Variants in ZBP1 observed in about 807,000 individuals in gnomAD.
ZBP1 encodes the protein Z-DNA-binding protein 1.
A neutral mutation model predicts 41.1 loss-of-function variants in ZBP1; 42 were observed. The ratio of observed to expected loss-of-function variants is 1.02; its 90% CI spans 0.80 to 1.32. ZBP1 has a LOEUF of 1.32. ZBP1 is among the 40% of genes most tolerant of loss of function. The pLI is 0.00. For missense variants in ZBP1, 562 were observed against 549.7 expected (o/e 1.02, Z -0.22); for synonymous variants, 214 against 205.2 (o/e 1.04, Z -0.37).
In ZBP1 at chr20:57,610,279, T is replaced by A. The variant is rs1426639495; in HGVS notation, c.963A>T (p.Arg321Ser). Residue 321 changes from arginine (R) to serine (S), a missense_variant, in exon 7 of 8, where the codon AGA becomes AGT. Transcript: ENST00000371173. This position sits in a 1 kb window ranked among gnomAD's most constrained non-coding sequence, Gnocchi z 5.5. Reference protein sequence around the residue: ...GTHPEGEAAQRIHMKSCFLED... With the variant: ...GTHPEGEAAQSIHMKSCFLED... ...CGAGAAAGCACGATTTCATGTGGAT[T>A]CTCTGGGCGGCTTCCCCCTCAGGGT... is the stretch of plus-strand genomic sequence containing the variant. 1 of 1,614,100 alleles carries A rather than the reference T, an allele frequency of 6.2e-7. No individual in the cohort carries two copies. The highest frequency in any genetic ancestry group is 1.3e-5 in the African/African-American group (1 of 75,018).
intron 5 of ZBP1, chr20:57,612,921 A>T (rs189404932): frequency 1.7e-5 from 22 of 1,333,184 alleles, no homozygotes; most frequent in Admixed American, 1.1e-4. Flanking sequence ...GAAAAATAAA[A>T]ATTAAATTAA....
At chr20:57,608,226 A>G (rs747884653) in intron 7 of ZBP1, among the ~76,000 whole-genome samples, 4 of 151,832 alleles carry the variant, frequency 2.6e-5, no homozygotes, top group African/African-American at 7.3e-5. Context: ...GGTTTACGCC[A>G]TTCTCCTGCC....
intron 5 of ZBP1, chr20:57,612,902 A>C (rs2070711229): frequency 7.5e-7 from 1 of 1,339,150 alleles, no homozygotes; most frequent in African/African-American, 1.5e-5. Context: ...TAATTTTAAA[A>C]TTTTATTAGA....
Position 57,604,025 on chromosome 20 carries a change from G to A in ZBP1, c.*548C>T, listed in dbSNP as rs894358542. 8 of 198,290 alleles carry A rather than the reference G, an allele frequency of 4.0e-5. No individual in the cohort carries two copies. The highest frequency in any genetic ancestry group is 8.3e-5 in the Non-Finnish European group (8 of 96,392). The allele number at this position is 198,290 out of a possible 1,614,324, so 12.3% of individuals were successfully genotyped here. On this transcript the variant is annotated 3_prime_UTR_variant, in exon 8 of 8. Coordinates refer to ENST00000371173, the MANE Select transcript of ZBP1 (RefSeq NM_030776.3). ...TGGGACTCCAGGTGCCCGCCACAAC[G>A]CCCGGCTAATTTTTTGTATTTTTTT...
Position 57,604,361 on chromosome 20 carries a change from G to A in ZBP1, c.*212C>T, listed in dbSNP as rs564499257. Reference sequence around the variant, plus strand: ...TCTTGGCACACCAAAGGTTCCCCAAGGCAACTCCCTGTCATCTACTCCTGG... The same window carrying A: ...TCTTGGCACACCAAAGGTTCCCCAAAGCAACTCCCTGTCATCTACTCCTGG... On this transcript the variant is annotated 3_prime_UTR_variant, in exon 8 of 8. Coordinates refer to ENST00000371173, the MANE Select transcript of ZBP1 (RefSeq NM_030776.3). 3 of 698,278 alleles carry A rather than the reference G, an allele frequency of 4.3e-6. No individual in the cohort carries two copies. The highest frequency in any genetic ancestry group is 5.7e-5 in the East Asian group (2 of 35,104). 43.3% of individuals were successfully genotyped at this position (698,278 alleles called of 1,614,324 possible). A position where few individuals can be genotyped will look rare whatever the true frequency, so the allele number is the denominator to read the frequency against.
chr20:57,610,775 C>T lies in ZBP1; in HGVS notation c.875-408G>A, dbSNP rs1315941926. The T allele has an allele frequency of 3.6e-6, 1 of 280,772 alleles. No individual in the cohort carries two copies. Among genetic ancestry groups the T allele is most frequent in the Non-Finnish European group, 6.9e-6 (1 of 144,568 alleles). 17.4% of individuals were successfully genotyped at this position (280,772 alleles called of 1,614,324 possible). A position where few individuals can be genotyped will look rare whatever the true frequency, so the allele number is the denominator to read the frequency against. On this transcript the variant is annotated intron_variant, in intron 6 of 7. Transcript: ENST00000371173. The surrounding 1 kb of genome is among the most constrained non-coding windows in gnomAD (Gnocchi z 5.5). ...CCTGCCATCTGGCTCTGCCCTTTCC[C>T]ACCCAAACTTCTGAAGAATCATCCA...
Position 57,604,315 on chromosome 20 carries a change from C to T in ZBP1, c.*258G>A, listed in dbSNP as rs2146549600. 2 of 633,354 alleles carry T rather than the reference C, an allele frequency of 3.2e-6. No individual in the cohort carries two copies. The highest frequency in any genetic ancestry group is 5.9e-6 in the Non-Finnish European group (2 of 341,250). The allele number at this position is 633,354 out of a possible 1,614,324, so 39.2% of individuals were successfully genotyped here. A position where few individuals can be genotyped will look rare whatever the true frequency, so the allele number is the denominator to read the frequency against. On this transcript the variant is annotated 3_prime_UTR_variant, in exon 8 of 8. Transcript: ENST00000371173. ...CCCCTGGGCCTGGGGGACCGAGCCC[C>T]ACTCCCATCTACCCACCTCCTCTTG...
chr20:57,607,118 G>C, intron 7 of ZBP1: 1 of 1,304,294 alleles, frequency 7.7e-7, no homozygotes, highest in Non-Finnish European at 1.0e-6. Context: ...TGATTCCTCA[G>C]ATGGATCTGG....
rs928747268 is a variant in ZBP1 at position 57,613,910 on chromosome 20, T to C, written c.503-580A>G. On this transcript the variant is annotated intron_variant, in intron 4 of 7. Transcript: ENST00000371173. This position sits in a 1 kb window ranked among gnomAD's most constrained non-coding sequence, Gnocchi z 4.5. ...TTGAGGCAGGCACCTGCCCAGACTGTGCGGGGCCCATCACCACCCTCCAGG... is the reference window on the plus strand; with the variant it reads ...TTGAGGCAGGCACCTGCCCAGACTGCGCGGGGCCCATCACCACCCTCCAGG... Among the ~76,000 whole-genome samples the C allele has an allele frequency of 6.6e-6, 1 of 151,732 alleles. No individual in the cohort carries two copies. Among genetic ancestry groups the C allele is most frequent in the African/African-American group, 2.4e-5 (1 of 41,444 alleles).
At position 57,604,265 on chromosome 20, in the gene ZBP1, G is replaced by C; in HGVS notation, c.*308C>G. On this transcript the variant is annotated 3_prime_UTR_variant, in exon 8 of 8. Transcript: ENST00000371173. ...GAAGGTAACTCCAGGCAGATGCCCC[G>C]AGCCCAGGAAAGAGTGGAGAGAGTC... 5.9e-6 allele frequency: 3 copies of C among 508,088 alleles called. No individual in the cohort carries two copies. The highest frequency in any genetic ancestry group is 1.1e-5 in the Non-Finnish European group (3 of 268,078). 31.5% of individuals were successfully genotyped at this position (508,088 alleles called of 1,614,324 possible). A position where few individuals can be genotyped will look rare whatever the true frequency, so the allele number is the denominator to read the frequency against.
chr20:57,616,381 G>A lies in ZBP1; in HGVS notation c.122C>T (p.Pro41Leu). 1 of 1,614,138 alleles carries A rather than the reference G, an allele frequency of 6.2e-7. No homozygotes were observed. The highest frequency in any genetic ancestry group is 8.5e-7 in the Non-Finnish European group (1 of 1,180,024). ...LAQLVKECQA[P>L]KRELNQVLYR... ...GAGGACTTGGTTGAGCTCCCTCTTG[G>A]GTGCTTGGCATTCCTTCACCAGCTG... The change falls in exon 2 of 8, where the codon CCC (proline) becomes CTC (leucine). Residue 41 changes from proline (P) to leucine (L), a missense_variant. Coordinates refer to ENST00000371173, the MANE Select transcript of ZBP1 (RefSeq NM_030776.3).
intron 1 of ZBP1, among the ~76,000 whole-genome samples, chr20:57,618,925 G>A (rs549344442): frequency 1.7e-3 from 253 of 152,242 alleles, no homozygotes; most frequent in Middle Eastern, 0.01. Flanking sequence ...CCACTGCCTC[G>A]GCTCCACACA....
chr20:57,607,144 A>G, intron 7 of ZBP1: 1 of 1,304,276 alleles, frequency 7.7e-7, no homozygotes, highest in Non-Finnish European at 1.0e-6. Flanking sequence ...GTAAGTTGAA[A>G]ATCTTCTGGA....
intron 7 of ZBP1, among the ~76,000 whole-genome samples, chr20:57,607,647 G>T (rs892812722): frequency 6.6e-6 from 1 of 152,144 alleles, no homozygotes; most frequent in Non-Finnish European, 1.5e-5. Flanking sequence ...AGAGTTCATT[G>T]CTGCAGCGAA....
At chr20:57,609,446 C>A (rs1221796630) in intron 7 of ZBP1, among the ~76,000 whole-genome samples, 1 of 152,104 alleles carries the variant, frequency 6.6e-6, no homozygotes, top group African/African-American at 2.4e-5. Context: ...TCCCAGACCC[C>A]CCGTGGCTAA....
intron 2 of ZBP1, 135 bp downstream of exon 2, chr20:57,616,109 C>G (rs2070816845): frequency 1.3e-6 from 1 of 745,960 alleles, no homozygotes; most frequent in African/African-American, 3.1e-5. Flanking sequence ...AAAAAGAAAC[C>G]AAGGCACAGA....
chr20:57,604,882 C>G (rs1199427930), intron 7 of ZBP1, 113 bp from the exon 8 acceptor site: 7 of 1,049,538 alleles, frequency 6.7e-6, no homozygotes, highest in African/African-American at 3.2e-5. Context: ...TTGTTACTGT[C>G]TTTAGATTTG....
chr20:57,604,293 C>G lies in ZBP1; in HGVS notation c.*280G>C, dbSNP rs567321818. The stretch of plus-strand genomic sequence containing the variant: ...CCCAGGAAAGAGTGGAGAGAGTCCC[C>G]TGGGCCTGGGGGACCGAGCCCCACT... On this transcript the variant is annotated 3_prime_UTR_variant, in exon 8 of 8. Transcript: ENST00000371173. 1.7e-6 allele frequency: 1 copy of G among 590,336 alleles called. No individual in the cohort carries two copies. Among genetic ancestry groups the G allele is most frequent in the African/African-American group, 1.8e-5 (1 of 54,686 alleles). 36.6% of individuals were successfully genotyped at this position (590,336 alleles called of 1,614,324 possible).
Position 57,611,779 on chromosome 20 carries a change from G to C in ZBP1, c.822C>G (p.Leu274=). 6.2e-7 allele frequency: 1 copy of C among 1,612,854 alleles called. No homozygotes were observed. Among genetic ancestry groups the C allele is most frequent in the Non-Finnish European group, 8.5e-7 (1 of 1,179,688 alleles). ...CAGGGCCCTCGGACGGGACGCCGTG[G>C]AGCCTCATCTCATTGCTGTGTCCCA... ...VQLGHSNEMR[L]HGVPSEGPAH... Residue 274 remains leucine (L), a synonymous_variant, in exon 6 of 8, where the codon CTC becomes CTG. Transcript: ENST00000371173.
Sources: allele counts gnomAD v4.1 joint callset (sites outside exome capture counted in the v4.1 genomes callset), GRCh38; gene constraint gnomAD v4.1.1; non-coding constraint Gnocchi (gnomAD v3.1); transcripts MANE v1.5; gene names NCBI Gene and HGNC (gene_info 2026-07-23, HGNC 2026-07-21).